The following MTUS1 variants were observed in gnomAD, a reference collection of about 807,000 sequenced individuals.
The protein encoded by MTUS1 is microtubule-associated tumor suppressor 1.
Under a neutral mutation model 120.8 loss-of-function variants are expected in MTUS1, and 109 were observed. That is an observed-to-expected ratio of 0.90 (90% confidence interval 0.77 to 1.06). The LOEUF (loss-of-function observed/expected upper bound fraction) is 1.06. Among genes scored for constraint, MTUS1 ranks in the 50% least tolerant of loss-of-function variants. The pLI is 0.00. For synonymous variants in MTUS1, 737 were observed against 550.5 expected, an observed-to-expected ratio of 1.34 and a Z score of -4.74; for missense variants, 2,210 against 1,486.3, an observed-to-expected ratio of 1.49 and a Z score of -8.01.
intron 6 of MTUS1, among the ~76,000 whole-genome samples, chr8:17,691,014 G>T (rs1256138835): frequency 5.9e-5 from 9 of 151,874 alleles, no homozygotes; most frequent in African/African-American, 1.9e-4. Context: ...AATTTATAGG[G>T]TAATTATCTA....
At chr8:17,712,965 C>T (rs1357150587) in intron 6 of MTUS1, among the ~76,000 whole-genome samples, 1 of 152,142 alleles carries the variant, frequency 6.6e-6, no homozygotes, top group African/African-American at 2.4e-5. Context: ...ATTTAGACCA[C>T]ATTAACAAAA....
rs558256129 is a variant in MTUS1 at position 17,717,485 on chromosome 8, T to C, written c.2450-1584A>G. On this transcript the variant is annotated intron_variant, in intron 4 of 14. Coordinates refer to ENST00000693296, the MANE Select transcript of MTUS1 (RefSeq NM_001363059.2). ...AGTCTTAACCATGGAATTATAACAATCTGGATTTTAGTCTTACTTTTCTTG... is the reference window on the plus strand; with the variant it reads ...AGTCTTAACCATGGAATTATAACAACCTGGATTTTAGTCTTACTTTTCTTG... 7.8e-4 allele frequency among the ~76,000 whole-genome samples: 119 copies of C among 152,308 alleles called. No individual in the cohort carries two copies. The South Asian group carries it at 8.1e-3, about 10-fold the overall frequency.
intron 1 of MTUS1, among the ~76,000 whole-genome samples, chr8:17,759,927 G>A (rs924209765): frequency 2.0e-5 from 3 of 151,858 alleles, no homozygotes; most frequent in African/African-American, 7.3e-5. Context: ...CACAAAAAGA[G>A]ATTGGGTGTG....
chr8:17,647,852 T>C (rs946024120), intron 13 of MTUS1, among the ~76,000 whole-genome samples: 1 of 152,196 alleles, frequency 6.6e-6, no homozygotes, highest in Non-Finnish European at 1.5e-5. Context: ...GGCAATATTA[T>C]AGCTCCGTCA....
At chr8:17,762,587 C>T (rs908201987) in intron 1 of MTUS1, among the ~76,000 whole-genome samples, 8 of 152,104 alleles carry the variant, frequency 5.3e-5, no homozygotes, top group African/African-American at 9.7e-5. Context: ...AAAAGCATAA[C>T]GATTTCCTAT....
intron 8 of MTUS1, among the ~76,000 whole-genome samples, chr8:17,657,579 G>A (rs539138344): frequency 1.1e-4 from 16 of 147,960 alleles, no homozygotes; most frequent in African/African-American, 3.5e-4. Context: ...AAAAAAAAAA[G>A]AAGCTGATGC....
chr8:17,796,355 A>T (rs2052235675), intron 1 of MTUS1, among the ~76,000 whole-genome samples: 1 of 151,954 alleles, frequency 6.6e-6, no homozygotes, highest in Admixed American at 6.6e-5. Context: ...TTGAAGTCTA[A>T]ACTTTAATGA....
intron 2 of MTUS1, among the ~76,000 whole-genome samples, chr8:17,745,302 G>C (rs557814797): frequency 3.9e-5 from 6 of 152,216 alleles, no homozygotes; most frequent in African/African-American, 1.4e-4. Flanking sequence ...ATGGTGTAGG[G>C]TTTGCATATA....
At chr8:17,769,232 C>CTT (rs35061390) in intron 1 of MTUS1, among the ~76,000 whole-genome samples, 4,310 of 131,112 alleles carry the variant, frequency 0.033, 225 homozygotes, top group African/African-American at 0.11. Flanking sequence ...GCTTTTATTC[C>CTT]TTTTTTTTTT....
In MTUS1 at chr8:17,652,287, C is replaced by T. The variant is rs866286091; in HGVS notation, c.3384+899G>A. ...TTTTCAGAATTGACATTTATCCATA[C>T]GGCGAAATATTATTCATCCATAAAA... On this transcript the variant is annotated intron_variant, in intron 12 of 14. Transcript: ENST00000693296. Among the ~76,000 whole-genome samples, 6 of 152,160 alleles carry T rather than the reference C, an allele frequency of 3.9e-5. No homozygotes were observed. In the South Asian group the frequency reaches 6.2e-4, roughly 16 times the overall value.
At chr8:17,777,841 T>C (rs2050576924) in intron 1 of MTUS1, among the ~76,000 whole-genome samples, 1 of 152,166 alleles carries the variant, frequency 6.6e-6, no homozygotes, top group Non-Finnish European at 1.5e-5. Flanking sequence ...CTGTGAAGAC[T>C]TAGAAATGAT....
intron 2 of MTUS1, chr8:17,748,070 G>A (rs1485750332): frequency 6.6e-6 from 1 of 152,154 alleles, no homozygotes; most frequent in African/African-American, 2.4e-5. Flanking sequence ...AGATTTGGGT[G>A]GGGACACAGC....
intron 12 of MTUS1, chr8:17,651,514 C>T (rs17124995): frequency 1.3e-5 from 2 of 151,100 alleles, no homozygotes. Flanking sequence ...TACAGTGTTA[C>T]CCTTGTACGC....
intron 1 of MTUS1, among the ~76,000 whole-genome samples, chr8:17,780,384 G>C (rs140986567): frequency 6.6e-6 from 1 of 152,064 alleles, no homozygotes; most frequent in African/African-American, 2.4e-5. Context: ...ACCCAGCCTC[G>C]GGTATTTCAA....
At chr8:17,657,799 C>CAAAAAAAAAAAAA (rs1216051789) in intron 8 of MTUS1, among the ~76,000 whole-genome samples, 1 of 91,266 alleles carries the variant, frequency 1.1e-5, no homozygotes, top group East Asian at 3.1e-4. Flanking sequence ...GACCCTATCT[C>CAAAAAAAAAAAAA]AAAAAAAAAA....
intron 3 of MTUS1, among the ~76,000 whole-genome samples, chr8:17,741,850 C>G (rs1452522932): frequency 6.6e-6 from 1 of 152,150 alleles, no homozygotes; most frequent in East Asian, 1.9e-4. Context: ...CTGACAGGGT[C>G]TTAGATTCTC....
intron 1 of MTUS1, among the ~76,000 whole-genome samples, chr8:17,772,338 A>G (rs2050081068): frequency 6.6e-6 from 1 of 152,216 alleles, no homozygotes; most frequent in African/African-American, 2.4e-5. Flanking sequence ...TCCCAAAGCT[A>G]CAGGTGAAAA....
intron 2 of MTUS1, among the ~76,000 whole-genome samples, chr8:17,751,453 G>C (rs980056167): frequency 2.0e-5 from 3 of 152,216 alleles, no homozygotes; most frequent in Non-Finnish European, 4.4e-5. Context: ...TGCAAAGCCA[G>C]TGGCCTATGA....
intron 10 of MTUS1, chr8:17,654,196 C>G (rs1807690596): frequency 4.3e-6 from 1 of 233,974 alleles, no homozygotes; most frequent in Non-Finnish European, 8.3e-6. Flanking sequence ...ATCGACATTT[C>G]ACAGCAACAC....
Sources: gnomAD v4.1 joint callset for allele counts (sites outside exome capture counted in the v4.1 genomes callset) on GRCh38, gnomAD v4.1.1 for gene constraint, MANE v1.5 for transcripts, NCBI Gene and HGNC (gene_info 2026-07-23, HGNC 2026-07-21) for gene names.